Variants in NUDT2 observed in about 807,000 individuals in gnomAD.
NUDT2 encodes the protein nudix hydrolase 2, also known as bis(5'-nucleosyl)-tetraphosphatase [asymmetrical].
A neutral mutation model predicts 14.2 loss-of-function variants in NUDT2; 12 were observed. That is an observed-to-expected ratio of 0.84 (90% confidence interval 0.54 to 1.37). The LOEUF is 1.37. Among genes scored for constraint, NUDT2 ranks in the 40% most tolerant of loss-of-function variants. The pLI, the probability that NUDT2 is intolerant of heterozygous loss-of-function variation, is 0.00. For missense variants in NUDT2, 167 were observed against 176.7 expected (o/e 0.95, Z 0.31); for synonymous variants, 67 against 67.4 (o/e 0.99, Z 0.03).
chr9:34,336,010 G>A (rs1291321573), intron 1 of NUDT2, among the ~76,000 whole-genome samples: 2 of 151,882 alleles, frequency 1.3e-5, no homozygotes, highest in East Asian at 3.9e-4. Context: ...CTCTAGTCTT[G>A]GATCCCTAAG....
chr9:34,330,200 G>A (rs567268902), intron 1 of NUDT2, among the ~76,000 whole-genome samples: 1 of 152,160 alleles, frequency 6.6e-6, no homozygotes, highest in Non-Finnish European at 1.5e-5. Context: ...TCAGGAGATC[G>A]AGACCATCCT....
Position 34,343,340 on chromosome 9 carries a change from G to T in NUDT2, c.344G>T (p.Arg115Leu). ...CTCTCCCATGAGCACCAAGCCTACC[G>T]CTGGCTGGGGCTGGAGGAGGCCTGC... is the stretch of plus-strand genomic sequence containing the variant. ...IRLSHEHQAY[R>L]WLGLEEACQL... is the part of the protein sequence containing the mutation. The change falls in exon 5 of 5, where the codon CGC becomes CTC. Residue 115 changes from arginine (R) to leucine (L), a missense_variant. Transcript: ENST00000379158. The T allele has an allele frequency of 6.2e-7, 1 of 1,613,850 alleles. No individual in the cohort carries two copies. Among genetic ancestry groups the T allele is most frequent in the Non-Finnish European group, 8.5e-7 (1 of 1,179,982 alleles).
At chr9:34,341,595 C>T (rs1820188998) in intron 4 of NUDT2, among the ~76,000 whole-genome samples, 1 of 152,116 alleles carries the variant, frequency 6.6e-6, no homozygotes, top group Admixed American at 6.5e-5. Context: ...CTGCAACCTC[C>T]GCCTCCTGGG....
At chr9:34,340,545 A>G (rs1820160971) in intron 4 of NUDT2, among the ~76,000 whole-genome samples, 1 of 152,240 alleles carries the variant, frequency 6.6e-6, no homozygotes, top group Non-Finnish European at 1.5e-5. Context: ...TGGGAAGAAC[A>G]GTGAAGACTA....
At chr9:34,339,524 C>T (rs1214619624) in intron 4 of NUDT2, among the ~76,000 whole-genome samples, 4 of 152,190 alleles carry the variant, frequency 2.6e-5, no homozygotes, top group Non-Finnish European at 4.4e-5. Flanking sequence ...AGTTTTTCAT[C>T]TGTCAAACAA....
At chr9:34,341,787 G>A (rs1049877183) in intron 4 of NUDT2, among the ~76,000 whole-genome samples, 12 of 152,340 alleles carry the variant, frequency 7.9e-5, no homozygotes, top group African/African-American at 2.9e-4. Flanking sequence ...TGGGATTACA[G>A]GCATGAGCCA....
chr9:34,343,087 T>C (rs1389455231), intron 4 of NUDT2, 37 bp from the exon 5 acceptor site: 1 of 1,540,158 alleles, frequency 6.5e-7, no homozygotes, highest in African/African-American at 1.4e-5. Context: ...CTTTGGAAGA[T>C]TTCCTCCTCC....
intron 1 of NUDT2, among the ~76,000 whole-genome samples, chr9:34,333,918 C>A (rs1838019478): frequency 6.6e-6 from 1 of 152,130 alleles, no homozygotes; most frequent in Non-Finnish European, 1.5e-5. Context: ...TATAATAATG[C>A]TTCTCTTGAA....
In NUDT2 at chr9:34,340,434, G is replaced by C. The variant is rs75973425; in HGVS notation, c.127+1268G>C. On this transcript the variant is annotated intron_variant, in intron 4 of 4. Transcript: ENST00000379158. ...GGGATGGGCAGGGCCTTCTTAGACT[G>C]TAAAGATTATGGAGACCTTGAGATT... 6.6e-3 allele frequency among the ~76,000 whole-genome samples: 1,006 copies of C among 151,954 alleles called. 8 individuals carry two copies. Among genetic ancestry groups the C allele is most frequent in the African/African-American group, 0.023 (946 of 41,516 alleles).
chr9:34,332,988 T>C (rs1837987720), intron 1 of NUDT2, among the ~76,000 whole-genome samples: 1 of 152,144 alleles, frequency 6.6e-6, no homozygotes, highest in Non-Finnish European at 1.5e-5. Context: ...GAGGGAGTAG[T>C]CACATAGAAT....
chr9:34,341,385 C>T lies in NUDT2; in HGVS notation c.128-1739C>T, dbSNP rs111825415. ...ATCACCCATCACTACTAGCATCCCT[C>T]CCACCTTGCTCCCCTGATGCATTAC... On this transcript the variant is annotated intron_variant, in intron 4 of 4. Transcript: ENST00000379158. Among the ~76,000 whole-genome samples, 918 of 152,326 alleles carry T rather than the reference C, an allele frequency of 6.0e-3. 3 individuals carry two copies. Among genetic ancestry groups the T allele is most frequent in the Admixed American group, 0.012 (184 of 15,304 alleles).
intron 4 of NUDT2, among the ~76,000 whole-genome samples, chr9:34,339,929 G>A (rs1008824635): frequency 7.2e-5 from 10 of 139,094 alleles, no homozygotes; most frequent in African/African-American, 2.4e-4. Context: ...CCTATCATTA[G>A]GTTTTTCTTT....
intron 2 of NUDT2, among the ~76,000 whole-genome samples, chr9:34,338,464 C>T (rs1358464944): frequency 1.6e-4 from 23 of 146,928 alleles, no homozygotes; most frequent in Admixed American, 1.5e-3. Flanking sequence ...GCCATGATCA[C>T]ACCATTGCAC....
In NUDT2 at chr9:34,343,230, G is replaced by A. The variant is rs1820239122; in HGVS notation, c.234G>A (p.Arg78=). The change falls in exon 5 of 5, where the codon AGG becomes AGA. Residue 78 remains arginine (R), a synonymous_variant. Coordinates refer to ENST00000379158, the MANE Select transcript of NUDT2 (RefSeq NM_001161.5). The part of the protein sequence containing the change: ...GQLTIIEGFK[R]ELNYVARNKP... ...TGACCATTATTGAGGGGTTCAAAAG[G>A]GAACTCAATTATGTGGCCAGGAACA... The A allele has an allele frequency of 3.1e-6, 5 of 1,613,926 alleles. No homozygotes were observed. The highest frequency in any genetic ancestry group is 4.2e-6 in the Non-Finnish European group (5 of 1,180,030).
chr9:34,329,651 G>C (rs982349072), intron 1 of NUDT2, 52 bp downstream of exon 1: 3 of 152,352 alleles, frequency 2.0e-5, no homozygotes, highest in African/African-American at 4.8e-5. Flanking sequence ...GAGGAAATGA[G>C]CCTTGGAGCG....
chr9:34,337,047 T>A (rs1838108640), intron 2 of NUDT2, among the ~76,000 whole-genome samples: 1 of 147,674 alleles, frequency 6.8e-6, no homozygotes, highest in Non-Finnish European at 1.5e-5. Flanking sequence ...TTGCCCAGGC[T>A]GGAATTCAGT....
chr9:34,343,035 G>GAAA, intron 4 of NUDT2, 89 bp from the exon 5 acceptor site: 41 of 1,096,696 alleles, frequency 3.7e-5, no homozygotes, highest in Non-Finnish European at 4.6e-5. Flanking sequence ...AAGCAAAACA[G>GAAA]AAAAAAAAAA....
chr9:34,334,629 T>C (rs1838039843), intron 1 of NUDT2, among the ~76,000 whole-genome samples: 1 of 152,216 alleles, frequency 6.6e-6, no homozygotes, highest in Non-Finnish European at 1.5e-5. Flanking sequence ...CCCCAGAACA[T>C]ACTCAAACAT....
Position 34,343,367 on chromosome 9 carries a change from AG to A in NUDT2, c.372del (p.Gln124HisfsTer8), listed in dbSNP as rs2131863681. 2 of 1,614,086 alleles carry A rather than the reference AG, an allele frequency of 1.2e-6. No homozygotes were observed. The highest frequency in any genetic ancestry group is 4.5e-5 in the East Asian group (2 of 44,852). On this transcript the variant is annotated frameshift_variant, in exon 5 of 5. Coordinates refer to ENST00000379158, the MANE Select transcript of NUDT2 (RefSeq NM_001161.5). LOFTEE classifies it high-confidence loss of function. ...TGGCTGGGGCTGGAGGAGGCCTGCC[AG>A]TTGGCTCAGTTCAAGGAGATGAAGG... Reference protein sequence around the residue: ...YRWLGLEEACQLAQFKEMKAA... With the variant: ...YRWLGLEEACXLAQFKEMKAA...
Sources: allele counts gnomAD v4.1 joint callset (sites outside exome capture counted in the v4.1 genomes callset), GRCh38; gene constraint gnomAD v4.1.1; transcripts MANE v1.5; gene names NCBI Gene and HGNC (gene_info 2026-07-23, HGNC 2026-07-21).